Variants in ZNF536 observed in about 807,000 individuals in gnomAD.
The protein encoded by ZNF536 is zinc finger protein 536.
In ZNF536, 13 loss-of-function variants were observed where a neutral mutation model predicts 84.5. The observed-to-expected ratio is 0.15, with a 90% confidence interval of 0.10 to 0.24. The LOEUF (loss-of-function observed/expected upper bound fraction) is 0.24. Ranked by LOEUF, ZNF536 falls within the 10% of genes least tolerant of loss-of-function variation. The pLI, the probability that ZNF536 is intolerant of heterozygous loss-of-function variation, is 1.00. For synonymous variants in ZNF536, 811 were observed against 742.5 expected, an observed-to-expected ratio of 1.09 and a Z score of -1.50; for missense variants, 1,536 against 1,747.5, an observed-to-expected ratio of 0.88 and a Z score of 2.16.
chr19:30,423,733 A>AAGGGC (rs1215914539), intron 1 of ZNF536, among the ~76,000 whole-genome samples: 1 of 152,160 alleles, frequency 6.6e-6, no homozygotes, highest in Non-Finnish European at 1.5e-5. Context: ...AAGAGCATGC[A>AAGGGC]AGGGCAGGGC....
At chr19:30,331,765 A>G (rs958934829) in intron 2 of ZNF536, among the ~76,000 whole-genome samples, 1 of 151,664 alleles carries the variant, frequency 6.6e-6, no homozygotes, top group Non-Finnish European at 1.5e-5. Flanking sequence ...CCTCCAAATC[A>G]CTGTTTGTGA....
chr19:30,549,200 T>A lies in ZNF536; in HGVS notation c.3581T>A (p.Leu1194Gln), dbSNP rs745362631. Residue 1194 changes from leucine (L) to glutamine (Q), a missense_variant, in exon 4 of 5, where the codon CTG becomes CAG. Leu to Gln is a moderately radical substitution (Grantham distance 113, BLOSUM62 -2). Transcript: ENST00000355537. ...ETEPEMMTKP[L>Q]SALSKDSSSD... ...GAACCGGAAATGATGACCAAGCCAC[T>A]GTCTGCCCTCAGCAAAGACAGCAGC... 1 of 1,614,062 alleles carries A rather than the reference T, an allele frequency of 6.2e-7. No individual in the cohort carries two copies. The highest frequency in any genetic ancestry group is 2.2e-5 in the East Asian group (1 of 44,884).
At chr19:30,676,623 A>T (rs73927150) in intron 1 of ZNF536, among the ~76,000 whole-genome samples, 9,652 of 152,290 alleles carry the variant, frequency 0.063, 510 homozygotes, top group African/African-American at 0.14. Flanking sequence ...TTTATAGATT[A>T]TGATATAGGA....
chr19:30,689,105 A>G (rs1472057729), intron 1 of ZNF536, among the ~76,000 whole-genome samples: 1 of 152,224 alleles, frequency 6.6e-6, no homozygotes, highest in Non-Finnish European at 1.5e-5. Flanking sequence ...CCTTTCACAG[A>G]TGAGAAAACT....
chr19:30,492,022 TC>T (rs1420384751), intron 2 of ZNF536, among the ~76,000 whole-genome samples: 1 of 151,672 alleles, frequency 6.6e-6, no homozygotes, highest in Non-Finnish European at 1.5e-5. Flanking sequence ...AAGTCTATCT[TC>T]CTTTGCCTGG....
intron 2 of ZNF536, among the ~76,000 whole-genome samples, chr19:30,487,043 G>T (rs1180402471): frequency 6.6e-6 from 1 of 152,202 alleles, no homozygotes; most frequent in Non-Finnish European, 1.5e-5. Flanking sequence ...GCCTGCCAGG[G>T]ATACAGGGAG....
intron 2 of ZNF536, among the ~76,000 whole-genome samples, chr19:30,518,462 A>G (rs577648696): frequency 6.6e-6 from 1 of 152,310 alleles, no homozygotes; most frequent in Non-Finnish European, 1.5e-5. Context: ...ATAGATGAGG[A>G]AATGTATTCC....
chr19:30,260,097 G>C (rs373026194), intron 1 of ZNF536, among the ~76,000 whole-genome samples: 1 of 152,196 alleles, frequency 6.6e-6, no homozygotes, highest in South Asian at 2.1e-4. Flanking sequence ...CTTTCTAAGA[G>C]ATCATTTATT....
At chr19:30,653,352 A>T (rs745998888) in intron 1 of ZNF536, among the ~76,000 whole-genome samples, 2 of 152,126 alleles carry the variant, frequency 1.3e-5, no homozygotes, top group Admixed American at 1.3e-4. Context: ...TCGGGGAGAC[A>T]AGCAGACACA....
At chr19:30,384,976 C>T (rs186580078) in intron 1 of ZNF536, among the ~76,000 whole-genome samples, 11 of 152,050 alleles carry the variant, frequency 7.2e-5, no homozygotes, top group Admixed American at 2.0e-4. Flanking sequence ...AGTTTGATCA[C>T]GTCACTGCCC....
chr19:30,712,506 C>T (rs771546899), exon 2 of ZNF536: 15 of 151,806 alleles, frequency 9.9e-5, no homozygotes, highest in Non-Finnish European at 2.1e-4. Context: ...AACTTCAGCT[C>T]TGCCTACAGC....
intron 1 of ZNF536, among the ~76,000 whole-genome samples, chr19:30,627,055 T>A (rs2048707158): frequency 6.6e-6 from 1 of 152,080 alleles, no homozygotes; most frequent in Non-Finnish European, 1.5e-5. Context: ...ACCTCTTTCA[T>A]CTTGACAGGG....
intron 3 of ZNF536, among the ~76,000 whole-genome samples, chr19:30,356,147 C>A (rs2146795591): frequency 6.6e-6 from 1 of 152,348 alleles, no homozygotes; most frequent in East Asian, 1.9e-4. Context: ...CCAGAGAGCT[C>A]TTTGCAAAGA....
intron 1 of ZNF536, among the ~76,000 whole-genome samples, chr19:30,258,768 A>G (rs2025042323): frequency 6.6e-6 from 1 of 151,750 alleles, no homozygotes; most frequent in Non-Finnish European, 1.5e-5. Flanking sequence ...CCCAGGCTGG[A>G]GTGCAGTGGC....
intron 1 of ZNF536, among the ~76,000 whole-genome samples, chr19:30,434,840 GATA>G (rs1433254672): frequency 5.9e-5 from 9 of 151,614 alleles, no homozygotes; most frequent in Admixed American, 1.3e-4. Flanking sequence ...TGATGGTAAT[GATA>G]ATGATGATGA....
chr19:30,264,867 G>T (rs1019978078), intron 1 of ZNF536, among the ~76,000 whole-genome samples: 4 of 151,682 alleles, frequency 2.6e-5, no homozygotes, highest in Admixed American at 2.0e-4. Context: ...TCCACACCAG[G>T]CTGTGAGGAC....
At chr19:30,459,334 C>T (rs1026143976) in intron 2 of ZNF536, among the ~76,000 whole-genome samples, 8 of 107,342 alleles carry the variant, frequency 7.5e-5, no homozygotes, top group South Asian at 2.9e-4. Flanking sequence ...TTCTTTCTTT[C>T]TTTCCTTCTT....
At chr19:30,415,411 T>C (rs2050688097) in intron 1 of ZNF536, among the ~76,000 whole-genome samples, 1 of 151,070 alleles carries the variant, frequency 6.6e-6, no homozygotes. Flanking sequence ...CTCTTTTTTT[T>C]CCTTCTAGCA....
chr19:30,312,190 G>A (rs2046527972), intron 2 of ZNF536, among the ~76,000 whole-genome samples: 1 of 152,210 alleles, frequency 6.6e-6, no homozygotes. Context: ...GGTGGAGAGA[G>A]GCGGTGCATG....
Sources: allele counts gnomAD v4.1 joint callset (sites outside exome capture counted in the v4.1 genomes callset), GRCh38; gene constraint gnomAD v4.1.1; transcripts MANE v1.5; gene names NCBI Gene and HGNC (gene_info 2026-07-23, HGNC 2026-07-21).